Variants in CNTN3 observed in about 807,000 individuals in gnomAD.
The protein encoded by CNTN3 is contactin 3.
A neutral mutation model predicts 119.1 loss-of-function variants in CNTN3; 60 were observed. The observed-to-expected ratio is 0.50, with a 90% CI of 0.41 to 0.62. CNTN3 has a LOEUF of 0.62. Ranked by LOEUF, CNTN3 falls within the 20% of genes least tolerant of loss-of-function variation. CNTN3 has a pLI of 0.00. For missense variants in CNTN3, 1,101 were observed against 1,242.4 expected, an observed-to-expected ratio of 0.89 and a Z score of 1.71; for synonymous variants, 450 against 438.7, an observed-to-expected ratio of 1.03 and a Z score of -0.32.
Position 74,479,921 on chromosome 3 carries a change from A to T in CNTN3, c.358+6535T>A, listed in dbSNP as rs146192509. 3.3e-3 allele frequency among the ~76,000 whole-genome samples: 506 copies of T among 152,196 alleles called. 4 individuals are homozygous for T. Among genetic ancestry groups the T allele is most frequent in the African/African-American group, 0.012 (483 of 41,556 alleles). ...AAATTTTGGTTGACTTAAGTATAAG[A>T]CTATAGAAAAATCAATAAGTAAAAT... On this transcript the variant is annotated intron_variant, in intron 4 of 22. Coordinates refer to ENST00000263665, the MANE Select transcript of CNTN3 (RefSeq NM_020872.3).
At chr3:74,520,820 A>G (rs1703531323) in intron 2 of CNTN3, among the ~76,000 whole-genome samples, 1 of 151,628 alleles carries the variant, frequency 6.6e-6, no homozygotes, top group African/African-American at 2.4e-5. Context: ...ATTACAGTAG[A>G]TCTGTAATAT....
At chr3:74,404,087 T>G (rs1705262296) in intron 5 of CNTN3, among the ~76,000 whole-genome samples, 1 of 152,160 alleles carries the variant, frequency 6.6e-6, no homozygotes, top group Non-Finnish European at 1.5e-5. Flanking sequence ...AAACCATTTC[T>G]GATTTATCTT....
At chr3:74,445,755 G>A (rs1040254352) in intron 4 of CNTN3, among the ~76,000 whole-genome samples, 2 of 152,118 alleles carry the variant, frequency 1.3e-5, no homozygotes, top group African/African-American at 4.8e-5. Context: ...AGAATCACAG[G>A]ACAAGACAGG....
At chr3:74,440,483 CA>C (rs57947790) in intron 4 of CNTN3, among the ~76,000 whole-genome samples, 192 of 141,790 alleles carry the variant, frequency 1.4e-3, no homozygotes, top group Middle Eastern at 3.7e-3. Flanking sequence ...AAGCAAATAG[CA>C]AAAAAAAAAA....
intron 11 of CNTN3, among the ~76,000 whole-genome samples, chr3:74,342,261 T>C (rs554800143): frequency 6.6e-6 from 1 of 152,314 alleles, no homozygotes; most frequent in East Asian, 1.9e-4. Flanking sequence ...CCCCACGTTA[T>C]TGGTGAAATA....
intron 2 of CNTN3, among the ~76,000 whole-genome samples, chr3:74,512,873 T>G (rs546782208): frequency 5.4e-5 from 8 of 148,788 alleles, no homozygotes; most frequent in Non-Finnish European, 1.2e-4. Context: ...TAATACCACT[T>G]CTCTCGTTTT....
intron 5 of CNTN3, among the ~76,000 whole-genome samples, chr3:74,394,192 C>A (rs1704987013): frequency 6.6e-6 from 1 of 152,074 alleles, no homozygotes; most frequent in African/African-American, 2.4e-5. Context: ...AACTGTTCTT[C>A]TTGTTTATTA....
At chr3:74,366,465 A>C (rs1162136907) in intron 8 of CNTN3, among the ~76,000 whole-genome samples, 2 of 152,012 alleles carry the variant, frequency 1.3e-5, no homozygotes, top group African/African-American at 2.4e-5. Context: ...TACTATATAC[A>C]GTATATCCAG....
intron 13 of CNTN3, among the ~76,000 whole-genome samples, chr3:74,310,913 G>T (rs997335125): frequency 2.0e-5 from 3 of 152,078 alleles, no homozygotes; most frequent in Admixed American, 6.6e-5. Flanking sequence ...GACCTATATG[G>T]ACCAAAGAGA....
At chr3:74,483,877 G>A (rs1702805529) in intron 4 of CNTN3, among the ~76,000 whole-genome samples, 1 of 152,002 alleles carries the variant, frequency 6.6e-6, no homozygotes, top group Admixed American at 6.6e-5. Context: ...TAAAGTGCTG[G>A]CCAAGAACTA....
At chr3:74,418,994 G>A (rs1055737502) in intron 5 of CNTN3, among the ~76,000 whole-genome samples, 3 of 149,548 alleles carry the variant, frequency 2.0e-5, no homozygotes, top group Admixed American at 6.7e-5. Flanking sequence ...GGGCAGTTTC[G>A]CCATGTTGCC....
intron 4 of CNTN3, among the ~76,000 whole-genome samples, chr3:74,480,013 G>T (rs1398334583): frequency 6.6e-6 from 1 of 151,966 alleles, no homozygotes; most frequent in African/African-American, 2.4e-5. Flanking sequence ...CAGAATTATT[G>T]TTTGCTGCAA....
intron 13 of CNTN3, among the ~76,000 whole-genome samples, chr3:74,304,967 T>G (rs536930507): frequency 6.6e-6 from 1 of 152,328 alleles, no homozygotes; most frequent in East Asian, 1.9e-4. Context: ...CCTCTTCTAA[T>G]GCTATCTCTC....
At chr3:74,358,989 T>A (rs908154209) in intron 11 of CNTN3, among the ~76,000 whole-genome samples, 1 of 152,058 alleles carries the variant, frequency 6.6e-6, no homozygotes, top group African/African-American at 2.4e-5. Context: ...ATGTGCCACA[T>A]TTTCTTAATC....
chr3:74,358,156 A>G (rs1703984114), intron 11 of CNTN3, among the ~76,000 whole-genome samples: 1 of 152,192 alleles, frequency 6.6e-6, no homozygotes, highest in Non-Finnish European at 1.5e-5. Context: ...TTGCTGTCCA[A>G]AAAGATAAAA....
intron 4 of CNTN3, among the ~76,000 whole-genome samples, chr3:74,437,718 T>C (rs560968070): frequency 3.0e-4 from 45 of 152,172 alleles, no homozygotes; most frequent in Non-Finnish European, 5.0e-4. Context: ...TATATACATA[T>C]ATATAGCCCT....
chr3:74,291,461 T>G (rs1431563633), intron 19 of CNTN3, among the ~76,000 whole-genome samples: 1 of 152,276 alleles, frequency 6.6e-6, no homozygotes, highest in East Asian at 1.9e-4. Context: ...TTCTAGATCC[T>G]TGAGGAATTG....
intron 9 of CNTN3, among the ~76,000 whole-genome samples, chr3:74,365,213 A>G (rs925821151): frequency 6.6e-6 from 1 of 152,174 alleles, no homozygotes; most frequent in Non-Finnish European, 1.5e-5. Context: ...TTCATTCCCC[A>G]GAGGCCACAC....
intron 4 of CNTN3, among the ~76,000 whole-genome samples, chr3:74,464,508 G>A (rs1702426802): frequency 6.6e-6 from 1 of 152,154 alleles, no homozygotes; most frequent in Admixed American, 6.6e-5. Flanking sequence ...GGAAGGATAT[G>A]CTTACAGCTT....
Sources: gnomAD v4.1 joint callset for allele counts (sites outside exome capture counted in the v4.1 genomes callset) on GRCh38, gnomAD v4.1.1 for gene constraint, MANE v1.5 for transcripts, NCBI Gene and HGNC (gene_info 2026-07-23, HGNC 2026-07-21) for gene names.